The following KLHL11 variants were observed in gnomAD, a reference collection of about 807,000 sequenced individuals.
The protein encoded by KLHL11 is kelch like family member 11.
Under a neutral mutation model 56.1 loss-of-function variants are expected in KLHL11, and 26 were observed. The ratio of observed to expected loss-of-function variants is 0.46; its 90% CI spans 0.34 to 0.64. The LOEUF is 0.64. Ranked by LOEUF, KLHL11 falls within the 30% of genes least tolerant of loss-of-function variation. The probability of loss-of-function intolerance (pLI) is 0.01; values close to 1 mark genes in which losing one functional copy is unlikely to be tolerated. For synonymous variants in KLHL11, 338 were observed against 345.8 expected, an observed-to-expected ratio of 0.98 and a Z score of 0.25; for missense variants, 627 against 919.4, an observed-to-expected ratio of 0.68 and a Z score of 4.11.
chr17:41,859,853 A>T (rs1166871375), intron 1 of KLHL11, among the ~76,000 whole-genome samples: 1 of 152,226 alleles, frequency 6.6e-6, no homozygotes, highest in Admixed American at 6.5e-5. Flanking sequence ...ATCGTTTCAG[A>T]CAAATTCATA....
chr17:41,863,445 C>T (rs1222764655), intron 1 of KLHL11, among the ~76,000 whole-genome samples: 2 of 152,166 alleles, frequency 1.3e-5, no homozygotes, highest in Non-Finnish European at 2.9e-5. Context: ...ATCCACCCAC[C>T]TCGGCCTCTC....
In KLHL11 at chr17:41,850,725, A is replaced by G. The variant is rs1207890781; in HGVS notation, c.*3015T>C. ...CAGAATCCAAATGGCTTTTACTAAAATAACTACAAAGAAATAGAAATTGAG... is the reference window on the plus strand; with the variant it reads ...CAGAATCCAAATGGCTTTTACTAAAGTAACTACAAAGAAATAGAAATTGAG... On this transcript the variant is annotated 3_prime_UTR_variant, in exon 2 of 2. Transcript: ENST00000319121. 1 of 152,326 alleles carries G rather than the reference A, an allele frequency of 6.6e-6. No individual in the cohort carries two copies. Among genetic ancestry groups the G allele is most frequent in the East Asian group, 1.9e-4 (1 of 5,194 alleles). 9.4% of individuals were successfully genotyped at this position (152,326 alleles called of 1,614,324 possible).
intron 1 of KLHL11, among the ~76,000 whole-genome samples, chr17:41,859,379 C>T (rs2048388488): frequency 6.6e-6 from 1 of 152,058 alleles, no homozygotes. Flanking sequence ...CCCTGGCCAA[C>T]ATGATGAAAC....
intron 1 of KLHL11, among the ~76,000 whole-genome samples, chr17:41,862,524 C>T (rs1353491996): frequency 2.0e-5 from 3 of 151,566 alleles, no homozygotes; most frequent in Non-Finnish European, 4.4e-5. Context: ...TCGTGATCTG[C>T]CCACCTCGGC....
In KLHL11 at chr17:41,853,624, TA is replaced by T. The variant is rs781840609; in HGVS notation, c.*115del. 1.2e-4 allele frequency: 149 copies of T among 1,197,876 alleles called. No individual in the cohort carries two copies. Among genetic ancestry groups the T allele is most frequent in the Non-Finnish European group, 1.7e-4 (144 of 866,328 alleles). The allele number at this position is 1,197,876 out of a possible 1,614,324, so 74.2% of individuals were successfully genotyped here. On this transcript the variant is annotated 3_prime_UTR_variant, in exon 2 of 2. Transcript: ENST00000319121. Reference sequence around the variant, plus strand: ...TTAACTCTATTTCCTTTATATGGGGTAATAATCAGTTCATGTAGAAAATAAG... The same window carrying T: ...TTAACTCTATTTCCTTTATATGGGGTATAATCAGTTCATGTAGAAAATAAG...
intron 1 of KLHL11, among the ~76,000 whole-genome samples, chr17:41,862,513 C>T (rs1490000949): frequency 1.3e-5 from 2 of 151,738 alleles, no homozygotes; most frequent in Admixed American, 1.3e-4. Context: ...ATCTCCTGAC[C>T]TCGTGATCTG....
In KLHL11 at chr17:41,853,653, A is replaced by G. The variant is rs782337623; in HGVS notation, c.*87T>C. 3.4e-5 allele frequency: 49 copies of G among 1,442,924 alleles called. No homozygotes were observed. Among genetic ancestry groups the G allele is most frequent in the Admixed American group, 8.9e-5 (4 of 44,876 alleles). 89.4% of individuals were successfully genotyped at this position (1,442,924 alleles called of 1,614,324 possible). ...AATCAGTTCATGTAGAAAATAAGTT[A>G]TCGACATACTTTTTTAAATAACAGC... is the stretch of plus-strand genomic sequence containing the variant. On this transcript the variant is annotated 3_prime_UTR_variant, in exon 2 of 2. Coordinates refer to ENST00000319121, the MANE Select transcript of KLHL11 (RefSeq NM_018143.3).
In KLHL11 at chr17:41,865,408, C is replaced by G; in HGVS notation, c.-38G>C. On this transcript the variant is annotated 5_prime_UTR_variant, in exon 1 of 2. Transcript: ENST00000319121. ...GCGCCCGGCCTCCACAGCCTCGGAA[C>G]GATGCGGCTGTTGGTACGACACAGA... 1.6e-6 allele frequency: 2 copies of G among 1,245,566 alleles called. No individual in the cohort carries two copies. Among genetic ancestry groups the G allele is most frequent in the Non-Finnish European group, 1.1e-6 (1 of 945,142 alleles). The allele number at this position is 1,245,566 out of a possible 1,614,324, so 77.2% of individuals were successfully genotyped here.
Position 41,849,410 on chromosome 17 carries a change from G to C in KLHL11, c.*4330C>G, listed in dbSNP as rs2048319657. On this transcript the variant is annotated 3_prime_UTR_variant, in exon 2 of 2. Transcript: ENST00000319121. ...ACTTTAGAATTACAAAGCAGAAAAT[G>C]AAATATTTTAAACATACCACATGCT... 1 of 152,080 alleles carries C rather than the reference G, an allele frequency of 6.6e-6. No homozygotes were observed. The highest frequency in any genetic ancestry group is 1.5e-5 in the Non-Finnish European group (1 of 68,012). The allele number at this position is 152,080 out of a possible 1,614,324, so 9.4% of individuals were successfully genotyped here.
Position 41,850,783 on chromosome 17 carries a change from A to C in KLHL11, c.*2957T>G, listed in dbSNP as rs2048328049. 1 of 152,176 alleles carries C rather than the reference A, an allele frequency of 6.6e-6. No individual in the cohort carries two copies. Among genetic ancestry groups the C allele is most frequent in the Non-Finnish European group, 1.5e-5 (1 of 68,036 alleles). 9.4% of individuals were successfully genotyped at this position (152,176 alleles called of 1,614,324 possible). The stretch of plus-strand genomic sequence containing the variant: ...TAGTGGTGGGATGGGACAATATAAT[A>C]ATATATCCTTATATGTAGAAATAGA... On this transcript the variant is annotated 3_prime_UTR_variant, in exon 2 of 2. Coordinates refer to ENST00000319121, the MANE Select transcript of KLHL11 (RefSeq NM_018143.3).
In KLHL11 at chr17:41,852,859, T is replaced by C. The variant is rs1415373857; in HGVS notation, c.*881A>G. ...AGAGCAAAAATTAAAATGGAAGGCA[T>C]TGAGTGTCGATTGTCATAGGCATTA... On this transcript the variant is annotated 3_prime_UTR_variant, in exon 2 of 2. Coordinates refer to ENST00000319121, the MANE Select transcript of KLHL11 (RefSeq NM_018143.3). Among the ~76,000 whole-genome samples the C allele has an allele frequency of 2.0e-5, 3 of 151,890 alleles. No homozygotes were observed. The highest frequency in any genetic ancestry group is 2.4e-5 in the African/African-American group (1 of 41,354).
At position 41,863,662 on chromosome 17, in the gene KLHL11, G is replaced by T. The variant is rs150015478; in HGVS notation, c.545+1164C>A. On this transcript the variant is annotated intron_variant, in intron 1 of 1. Coordinates refer to ENST00000319121, the MANE Select transcript of KLHL11 (RefSeq NM_018143.3). ...CCATTACCATCCTGGGGCTTCTCCTGTTCCTCTCATCCTGCATCCCTTTGA... is the reference window on the plus strand; with the variant it reads ...CCATTACCATCCTGGGGCTTCTCCTTTTCCTCTCATCCTGCATCCCTTTGA... Among the ~76,000 whole-genome samples, 10 of 152,204 alleles carry T rather than the reference G, an allele frequency of 6.6e-5. No individual in the cohort carries two copies. The East Asian group carries it at 1.9e-3, about 29-fold the overall frequency.
rs1046190897 is a variant in KLHL11 at position 41,850,950 on chromosome 17, A to T, written c.*2790T>A. The T allele has an allele frequency of 6.6e-6, 1 of 152,164 alleles. No individual in the cohort carries two copies. The highest frequency in any genetic ancestry group is 2.1e-4 in the South Asian group (1 of 4,830). The allele number at this position is 152,164 out of a possible 1,614,324, so 9.4% of individuals were successfully genotyped here. A position where few individuals can be genotyped will look rare whatever the true frequency, so the allele number is the denominator to read the frequency against. On this transcript the variant is annotated 3_prime_UTR_variant, in exon 2 of 2. Transcript: ENST00000319121. ...CTTAGTATAGAGCCCAAGACCTACA[A>T]CTTGCAGCAAATAGCCAAAATTTCT...
intron 1 of KLHL11, among the ~76,000 whole-genome samples, chr17:41,861,145 A>AT (rs1397224727): frequency 2.0e-5 from 3 of 152,108 alleles, no homozygotes; most frequent in Admixed American, 6.5e-5. Context: ...GGCTACATCC[A>AT]TTTTTTCTGA....
rs781889213 is a variant in KLHL11 at position 41,865,389 on chromosome 17, GGCCTCCACA to G, written c.-28_-20del. The G allele has an allele frequency of 1.5e-6, 2 of 1,343,518 alleles. No homozygotes were observed. The highest frequency in any genetic ancestry group is 1.9e-6 in the Non-Finnish European group (2 of 1,028,598). The allele number at this position is 1,343,518 out of a possible 1,614,324, so 83.2% of individuals were successfully genotyped here. ...CCGCCATCTTGACGCCGCTGCGCCC[GGCCTCCACA>G]GCCTCGGAACGATGCGGCTGTTGGT... On this transcript the variant is annotated 5_prime_UTR_variant, in exon 1 of 2. Transcript: ENST00000319121.
chr17:41,859,693 A>G (rs191949949), intron 1 of KLHL11, among the ~76,000 whole-genome samples: 1 of 152,338 alleles, frequency 6.6e-6, no homozygotes, highest in African/African-American at 2.4e-5. Context: ...GGTTGCAGTG[A>G]GCTGAGATCA....
intron 1 of KLHL11, 56 bp downstream of exon 1, chr17:41,864,770 A>T (rs560999834): frequency 1.4e-6 from 2 of 1,449,124 alleles, no homozygotes; most frequent in South Asian, 1.4e-5. Context: ...TCCGCCAGCG[A>T]GCATCTCCCC....
rs1555622149 is a variant in KLHL11, at chr17:41,853,415, G to GT, written c.*324dup. 4.6e-6 allele frequency: 1 copy of GT among 215,348 alleles called. No individual in the cohort carries two copies. The allele number at this position is 215,348 out of a possible 1,614,324, so 13.3% of individuals were successfully genotyped here. On this transcript the variant is annotated 3_prime_UTR_variant, in exon 2 of 2. Coordinates refer to ENST00000319121, the MANE Select transcript of KLHL11 (RefSeq NM_018143.3). ...TTGGTGCTTAAAGCATGTTCAAAAC[G>GT]TAAGTCCTCAAGACAAAGGAGTCAT...
chr17:41,864,628 G>A (rs1171539704), intron 1 of KLHL11, among the ~76,000 whole-genome samples, 198 bp downstream of exon 1: 1 of 152,216 alleles, frequency 6.6e-6, no homozygotes, highest in Non-Finnish European at 1.5e-5. Flanking sequence ...GGCGCGGGGC[G>A]CCCTCGCCGG....
Sources: allele counts gnomAD v4.1 joint callset (sites outside exome capture counted in the v4.1 genomes callset), GRCh38; gene constraint gnomAD v4.1.1; transcripts MANE v1.5; gene names NCBI Gene and HGNC (gene_info 2026-07-23, HGNC 2026-07-21).